UMODL1: variants seen among roughly 807,000 people sequenced by gnomAD.
UMODL1 encodes uromodulin like 1, also known as uromodulin-like 1.
Under a neutral mutation model 136.3 loss-of-function variants are expected in UMODL1, and 128 were observed. The ratio of observed to expected loss-of-function variants is 0.94; its 90% CI spans 0.81 to 1.09. The LOEUF (loss-of-function observed/expected upper bound fraction) is 1.09. UMODL1 is among the 50% of genes least tolerant of loss of function. The probability of loss-of-function intolerance (pLI) is 0.00; values close to 1 mark genes in which losing one functional copy is unlikely to be tolerated. For missense variants in UMODL1, 1,766 were observed against 1,725.6 expected (o/e 1.02, Z -0.41); for synonymous variants, 721 against 720.0 (o/e 1.00, Z -0.02).
chr21:42,095,291 T>G (rs943048706), intron 6 of UMODL1, among the ~76,000 whole-genome samples: 8 of 151,856 alleles, frequency 5.3e-5, no homozygotes, highest in Non-Finnish European at 1.5e-5. Flanking sequence ...GATAGGGTCT[T>G]GCTATATTGC....
chr21:42,119,089 C>A, intron 14 of UMODL1, 22 bp from the exon 15 acceptor site: 2 of 1,609,224 alleles, frequency 1.2e-6, no homozygotes, highest in South Asian at 1.1e-5. Context: ...GGGACCTCCT[C>A]ACATGGCCTC....
intron 4 of UMODL1, among the ~76,000 whole-genome samples, chr21:42,087,604 C>T (rs187263451): frequency 6.6e-6 from 1 of 152,324 alleles, no homozygotes; most frequent in East Asian, 1.9e-4. Flanking sequence ...CTTTTGATCT[C>T]TAATTGTCTA....
At chr21:42,079,721 T>C (rs1354028373) in intron 2 of UMODL1, among the ~76,000 whole-genome samples, 3 of 152,200 alleles carry the variant, frequency 2.0e-5, no homozygotes, top group Non-Finnish European at 2.9e-5. Context: ...TGGCTCTGCA[T>C]GTGGGGATCC....
At chr21:42,137,371 G>A (rs759081406) in intron 21 of UMODL1, 68 bp from the exon 22 acceptor site, 21 of 1,578,636 alleles carry the variant, frequency 1.3e-5, no homozygotes, top group South Asian at 5.6e-5. Flanking sequence ...GATCCGGGTG[G>A]AGGGCTTGCT....
chr21:42,135,366 C>A (rs2067191724), intron 21 of UMODL1, among the ~76,000 whole-genome samples: 1 of 152,248 alleles, frequency 6.6e-6, no homozygotes, highest in Non-Finnish European at 1.5e-5. Context: ...GCAGCACTGG[C>A]CTGTGGACCC....
At chr21:42,080,681 CAGG>C (rs2066351564) in intron 2 of UMODL1, among the ~76,000 whole-genome samples, 2 of 152,112 alleles carry the variant, frequency 1.3e-5, no homozygotes. Context: ...CAGAAAAGAA[CAGG>C]AGGAGGAAAC....
Position 42,102,078 on chromosome 21 carries a change from C to T in UMODL1, c.1187-88C>T, listed in dbSNP as rs1049257842. The T allele has an allele frequency of 4.1e-6, 4 of 980,316 alleles. No homozygotes were observed. The Admixed American group carries it at 9.9e-5, about 24-fold the overall frequency. The allele number at this position is 980,316 out of a possible 1,614,324, so 60.7% of individuals were successfully genotyped here. Reference sequence around the variant, plus strand: ...CCTCAATCTATTAAAAAAAATTATCCCGCCAAAGAGTAGGCTTCATGGAAA... The same window carrying T: ...CCTCAATCTATTAAAAAAAATTATCTCGCCAAAGAGTAGGCTTCATGGAAA... On this transcript the variant is annotated intron_variant, in intron 7 of 22. Coordinates refer to ENST00000408910, the MANE Select transcript of UMODL1 (RefSeq NM_001004416.3).
intron 8 of UMODL1, 73 bp from the exon 9 acceptor site, chr21:42,103,795 G>A (rs749791708): frequency 5.8e-6 from 9 of 1,556,178 alleles, no homozygotes; most frequent in Admixed American, 1.7e-5. Flanking sequence ...ACCATCCATC[G>A]GTCACACCTG....
Position 42,115,971 on chromosome 21 carries a change from C to A in UMODL1, c.2461C>A (p.Leu821Ile), listed in dbSNP as rs374098194. 1 of 1,613,028 alleles carries A rather than the reference C, an allele frequency of 6.2e-7. No homozygotes were observed. The highest frequency in any genetic ancestry group is 8.5e-7 in the Non-Finnish European group (1 of 1,179,288). ...SSQEYRDFLE[L>I]FFRMVRGSLP... Reference sequence around the variant, plus strand: ...CCAGGAGTATCGAGATTTCCTAGAACTATTCTTCAGGATGGTGAGTTGGTG... The same window carrying A: ...CCAGGAGTATCGAGATTTCCTAGAAATATTCTTCAGGATGGTGAGTTGGTG... The change falls in exon 14 of 23, where the codon CTA becomes ATA. Residue 821 changes from leucine to isoleucine, a missense_variant. Physicochemically the swap from Leu to Ile is conservative, Grantham distance 5. Coordinates refer to ENST00000408910, the MANE Select transcript of UMODL1 (RefSeq NM_001004416.3).
At chr21:42,116,172 C>CAAAAAAAAAAAAAA (rs56162491) in intron 14 of UMODL1, among the ~76,000 whole-genome samples, 187 bp downstream of exon 14, 8 of 75,074 alleles carry the variant, frequency 1.1e-4, no homozygotes, top group Admixed American at 1.9e-4. Context: ...CCATCTCCAC[C>CAAAAAAAAAAAAAA]AAAAAAAAAA....
At chr21:42,110,099 C>G (rs2168343) in intron 10 of UMODL1, among the ~76,000 whole-genome samples, 45,872 of 151,554 alleles carry the variant, frequency 0.3, 6,928 homozygotes, top group East Asian at 0.38. Context: ...GAGCCCGAGA[C>G]AGTGTGGAAG....
At chr21:42,096,742 C>T (rs996374721) in intron 6 of UMODL1, among the ~76,000 whole-genome samples, 7 of 152,308 alleles carry the variant, frequency 4.6e-5, no homozygotes, top group East Asian at 1.9e-4. Flanking sequence ...TGCGCCTGCT[C>T]GTGGCCGCCC....
Position 42,121,172 on chromosome 21 carries a change from C to G in UMODL1, c.2775C>G (p.Cys925Trp). ...CCCTCGGGTCTTTCACTTGTAGCTG[C>G]GAGGGAGGAGCCCCCGACTTCCCTG... ...RNTLGSFTCS[C>W]EGGAPDFPVE... The change falls in exon 16 of 23, where the codon TGC becomes TGG. Residue 925 changes from cysteine (C) to tryptophan (W), a missense_variant. Physicochemically the swap from Cys to Trp is radical, Grantham distance 215. Coordinates refer to ENST00000408910, the MANE Select transcript of UMODL1 (RefSeq NM_001004416.3). 1 of 1,614,048 alleles carries G rather than the reference C, an allele frequency of 6.2e-7. No individual in the cohort carries two copies. The highest frequency in any genetic ancestry group is 8.5e-7 in the Non-Finnish European group (1 of 1,179,984).
intron 5 of UMODL1, among the ~76,000 whole-genome samples, chr21:42,088,817 G>A (rs111510648): frequency 0.012 from 1,838 of 151,986 alleles, 32 homozygotes; most frequent in African/African-American, 0.041. Context: ...GGACACTGGA[G>A]TGCAAATCCC....
upstream of UMODL1, among the ~76,000 whole-genome samples, chr21:42,068,433 T>C (rs556051185): frequency 3.3e-5 from 5 of 152,230 alleles, no homozygotes; most frequent in East Asian, 5.8e-4. The surrounding 1 kb of genome is among the most constrained non-coding windows in gnomAD (Gnocchi z 5.5). Flanking sequence ...GCCACCTGGA[T>C]GGGCTGGATG....
chr21:42,095,008 C>T (rs1192397153), intron 6 of UMODL1, among the ~76,000 whole-genome samples: 1 of 151,636 alleles, frequency 6.6e-6, no homozygotes, highest in Non-Finnish European at 1.5e-5. Context: ...CTGGGAGAAT[C>T]CATTCCTTGC....
chr21:42,085,107 C>T lies in UMODL1; in HGVS notation c.482-184C>T, dbSNP rs116075305. 1.9e-3 allele frequency among the ~76,000 whole-genome samples: 296 copies of T among 152,070 alleles called. 1 individual carries two copies. The highest frequency in any genetic ancestry group is 6.8e-3 in the African/African-American group (281 of 41,472). ...TCAGGGACATTAGGATGGAGAGGAG[C>T]GAGGGGCGGGCAGTGAGGACATCCC... On this transcript the variant is annotated intron_variant, in intron 3 of 22. Transcript: ENST00000408910. The surrounding 1 kb of genome is among the most constrained non-coding windows in gnomAD (Gnocchi z 4.5).
chr21:42,100,299 A>G (rs2066610761), intron 7 of UMODL1, among the ~76,000 whole-genome samples: 1 of 152,152 alleles, frequency 6.6e-6, no homozygotes, highest in Admixed American at 6.5e-5. Context: ...TGAAGACCAT[A>G]CTGGGGCCTT....
chr21:42,099,446 C>T lies in UMODL1; in HGVS notation c.1186+266C>T, dbSNP rs1346340700. 6.6e-6 allele frequency among the ~76,000 whole-genome samples: 1 copy of T among 152,078 alleles called. No homozygotes were observed. Among genetic ancestry groups the T allele is most frequent in the Non-Finnish European group, 1.5e-5 (1 of 68,014 alleles). On this transcript the variant is annotated intron_variant, in intron 7 of 22. Transcript: ENST00000408910. This position sits in a 1 kb window ranked among gnomAD's most constrained non-coding sequence, Gnocchi z 4.1. Reference sequence around the variant, plus strand: ...GCCGTGTGAGGGGACAACATGTGGACTCAGAAGCACCAATAAGGCATCAGC... The same window carrying T: ...GCCGTGTGAGGGGACAACATGTGGATTCAGAAGCACCAATAAGGCATCAGC...
Sources: allele counts gnomAD v4.1 joint callset (sites outside exome capture counted in the v4.1 genomes callset), GRCh38; gene constraint gnomAD v4.1.1; non-coding constraint Gnocchi (gnomAD v3.1); transcripts MANE v1.5; gene names NCBI Gene and HGNC (gene_info 2026-07-23, HGNC 2026-07-21).